The following SUGT1 variants were observed in gnomAD, a reference collection of about 807,000 sequenced individuals.
SUGT1 encodes the protein protein SGT1 homolog.
Under a neutral mutation model 56.1 loss-of-function variants are expected in SUGT1, and 15 were observed. That is an observed-to-expected ratio of 0.27 (90% confidence interval 0.18 to 0.41). SUGT1 has a LOEUF of 0.41. Ranked by LOEUF, SUGT1 falls within the 10% of genes least tolerant of loss-of-function variation. The pLI is 1.00. For synonymous variants in SUGT1, 123 were observed against 128.6 expected (o/e 0.96, Z 0.30); for missense variants, 347 against 382.2 (o/e 0.91, Z 0.77).
intron 5 of SUGT1, 107 bp from the exon 6 acceptor site, chr13:52,662,542 C>T: frequency 9.4e-7 from 1 of 1,068,936 alleles, no homozygotes; most frequent in Non-Finnish European, 1.4e-6. Context: ...GCTGCCGACT[C>T]CCCAGTGCCT....
chr13:52,681,265 AAAATT>A (rs1383965650), intron 12 of SUGT1, among the ~76,000 whole-genome samples: 8 of 151,754 alleles, frequency 5.3e-5, no homozygotes, highest in Non-Finnish European at 1.2e-4. Flanking sequence ...AAAAAAAAAA[AAAATT>A]AGCTAGGCCT....
At chr13:52,664,721 G>A (rs1962613727) in intron 8 of SUGT1, among the ~76,000 whole-genome samples, 1 of 152,176 alleles carries the variant, frequency 6.6e-6, no homozygotes, top group East Asian at 1.9e-4. Flanking sequence ...GTAGTTGTGG[G>A]GAGATACAGG....
At position 52,687,652 on chromosome 13, in the gene SUGT1, C is replaced by T. The variant is rs1010117690; in HGVS notation, c.901-82C>T. The T allele has an allele frequency of 6.5e-6, 7 of 1,078,968 alleles. No individual in the cohort carries two copies. The African/African-American group carries it at 1.1e-4, about 17-fold the overall frequency. The allele number at this position is 1,078,968 out of a possible 1,614,324, so 66.8% of individuals were successfully genotyped here. Reference sequence around the variant, plus strand: ...TATATAATAGCCAATATTTGGGGCTCTATGCTTGGAACATTTTAAGAAAAA... The same window carrying T: ...TATATAATAGCCAATATTTGGGGCTTTATGCTTGGAACATTTTAAGAAAAA... On this transcript the variant is annotated intron_variant, in intron 12 of 12. Transcript: ENST00000310528.
intron 12 of SUGT1, chr13:52,687,387 G>T (rs1594261430): frequency 6.9e-6 from 1 of 145,626 alleles, no homozygotes; most frequent in Non-Finnish European, 1.5e-5. Flanking sequence ...CATTTTTTTT[G>T]GGAGCTAATA....
At chr13:52,679,550 A>G (rs1399808202) in intron 11 of SUGT1, among the ~76,000 whole-genome samples, 1 of 147,620 alleles carries the variant, frequency 6.8e-6, no homozygotes, top group African/African-American at 2.5e-5. Flanking sequence ...ATTTATTAAA[A>G]TCTTAGTTAC....
chr13:52,673,681 C>T (rs1280029920), intron 10 of SUGT1, among the ~76,000 whole-genome samples: 1 of 152,180 alleles, frequency 6.6e-6, no homozygotes. Context: ...TTCATAGTTA[C>T]AGGAACATGA....
At chr13:52,672,439 C>T (rs1022780482) in intron 10 of SUGT1, among the ~76,000 whole-genome samples, 1 of 152,122 alleles carries the variant, frequency 6.6e-6, no homozygotes, top group Non-Finnish European at 1.5e-5. Flanking sequence ...CAATCTTCTC[C>T]ATTCATTGCC....
chr13:52,667,320 A>G (rs1165078927), intron 10 of SUGT1, among the ~76,000 whole-genome samples: 1 of 152,188 alleles, frequency 6.6e-6, no homozygotes, highest in Non-Finnish European at 1.5e-5. Flanking sequence ...TACAAACTAC[A>G]AGAAAGATGA....
intron 10 of SUGT1, among the ~76,000 whole-genome samples, chr13:52,667,801 T>A (rs1222432319): frequency 6.6e-6 from 1 of 152,142 alleles, no homozygotes; most frequent in Non-Finnish European, 1.5e-5. Context: ...GCTTGCCCTG[T>A]GTATTTAGTC....
intron 10 of SUGT1, among the ~76,000 whole-genome samples, chr13:52,667,804 A>G (rs1962776038): frequency 1.3e-5 from 2 of 152,094 alleles, no homozygotes; most frequent in South Asian, 2.1e-4. Context: ...TGCCCTGTGT[A>G]TTTAGTCTAG....
intron 2 of SUGT1, among the ~76,000 whole-genome samples, chr13:52,655,479 G>C (rs959184937): frequency 6.6e-6 from 1 of 152,222 alleles, no homozygotes; most frequent in Non-Finnish European, 1.5e-5. Flanking sequence ...GCGAATTGGA[G>C]GAGGCACAAG....
At position 52,692,026 on chromosome 13, in the gene SUGT1, T is replaced by TTA. The variant is rs1282373028; in HGVS notation, c.*4191_*4192insTA. 6.6e-6 allele frequency: 1 copy of TTA among 152,198 alleles called. No homozygotes were observed. Among genetic ancestry groups the TTA allele is most frequent in the Non-Finnish European group, 1.5e-5 (1 of 68,038 alleles). 9.4% of individuals were successfully genotyped at this position (152,198 alleles called of 1,614,324 possible). A position where few individuals can be genotyped will look rare whatever the true frequency, so the allele number is the denominator to read the frequency against. On this transcript the variant is annotated 3_prime_UTR_variant, in exon 13 of 13. Coordinates refer to ENST00000310528, the MANE Select transcript of SUGT1 (RefSeq NM_006704.5). ...TAACTCTTAGCCTCACTTCCTACCT[T>TTA]AGTAAAGTTGCTCCTCCAAATCAGC...
chr13:52,671,704 ATCT>A (rs148411018), intron 10 of SUGT1, among the ~76,000 whole-genome samples: 197 of 152,228 alleles, frequency 1.3e-3, no homozygotes, highest in African/African-American at 4.3e-3. Context: ...GTGTCATTTA[ATCT>A]TCTTGAGAAC....
Position 52,664,031 on chromosome 13 carries a change from C to T in SUGT1, c.400-4C>T. ...CAACTTACCAAAATCAATCTGCATC[C>T]CAGTGGACTCATCAGTCAAAAATCA... On this transcript the variant is annotated splice_region_variant and splice_polypyrimidine_tract_variant and intron_variant, in intron 7 of 12. Transcript: ENST00000310528. 3 of 1,612,974 alleles carry T rather than the reference C, an allele frequency of 1.9e-6. No homozygotes were observed. The highest frequency in any genetic ancestry group is 2.5e-6 in the Non-Finnish European group (3 of 1,179,514).
rs1322015424 is a variant in SUGT1 at position 52,664,026 on chromosome 13, G to A, written c.400-9G>A. 6.2e-6 allele frequency: 10 copies of A among 1,612,616 alleles called. No homozygotes were observed. Among genetic ancestry groups the A allele is most frequent in the Non-Finnish European group, 8.5e-6 (10 of 1,179,462 alleles). ...TCTTTCAACTTACCAAAATCAATCTGCATCCCAGTGGACTCATCAGTCAAA... is the reference window on the plus strand; with the variant it reads ...TCTTTCAACTTACCAAAATCAATCTACATCCCAGTGGACTCATCAGTCAAA... On this transcript the variant is annotated splice_polypyrimidine_tract_variant and intron_variant, in intron 7 of 12. Coordinates refer to ENST00000310528, the MANE Select transcript of SUGT1 (RefSeq NM_006704.5).
chr13:52,671,525 T>C (rs1383962306), intron 10 of SUGT1, among the ~76,000 whole-genome samples: 3 of 152,310 alleles, frequency 2.0e-5, no homozygotes, highest in Non-Finnish European at 4.4e-5. Flanking sequence ...TTATCTCATG[T>C]AATTCTCATA....
chr13:52,674,155 A>G (rs1963054084), intron 10 of SUGT1, among the ~76,000 whole-genome samples: 2 of 145,926 alleles, frequency 1.4e-5, no homozygotes, highest in East Asian at 4.1e-4. Flanking sequence ...CCCAGATTCA[A>G]GCAATTCTGT....
intron 7 of SUGT1, 78 bp downstream of exon 7, chr13:52,663,190 G>A (rs1962544365): frequency 1.4e-5 from 20 of 1,425,950 alleles, no homozygotes; most frequent in East Asian, 2.3e-5. Context: ...ACAAGACTCA[G>A]GATGAGCTGT....
At chr13:52,668,430 A>G (rs1245594893) in intron 10 of SUGT1, among the ~76,000 whole-genome samples, 1 of 152,208 alleles carries the variant, frequency 6.6e-6, no homozygotes, top group African/African-American at 2.4e-5. Flanking sequence ...TGCAGAAAGG[A>G]CACAGCTGCA....
Sources: allele counts gnomAD v4.1 joint callset (sites outside exome capture counted in the v4.1 genomes callset), GRCh38; gene constraint gnomAD v4.1.1; transcripts MANE v1.5; gene names NCBI Gene and HGNC (gene_info 2026-07-23, HGNC 2026-07-21).